ARHGAP21: variants seen among roughly 807,000 people sequenced by gnomAD.
The protein encoded by ARHGAP21 is Rho GTPase activating protein 21.
In ARHGAP21, 38 loss-of-function variants were observed where a neutral mutation model predicts 164.6. The ratio of observed to expected loss-of-function variants is 0.23; its 90% CI spans 0.18 to 0.30. ARHGAP21 has a LOEUF of 0.30. ARHGAP21 is among the 10% of genes least tolerant of loss of function. The pLI is 1.00. For missense variants in ARHGAP21, 1,822 were observed against 2,370.7 expected (o/e 0.77, Z 4.81); for synonymous variants, 766 against 857.9 (o/e 0.89, Z 1.87).
chr10:24,716,192 C>G (rs1424718292), intron 2 of ARHGAP21, among the ~76,000 whole-genome samples: 1 of 152,206 alleles, frequency 6.6e-6, no homozygotes, highest in African/African-American at 2.4e-5. Flanking sequence ...ACTGCACTCT[C>G]AACACCTGCG....
intron 25 of ARHGAP21, among the ~76,000 whole-genome samples, chr10:24,587,466 AAATTTAGGCTGTT>A (rs72007463): frequency 0.16 from 24,810 of 152,178 alleles, 2,608 homozygotes; most frequent in Non-Finnish European, 0.23. Context: ...CTTAAAGTAA[AAATTTAGGCTGTT>A]CTATCAAAGA....
At chr10:24,653,152 T>C (rs770779747) in intron 4 of ARHGAP21, among the ~76,000 whole-genome samples, 2 of 152,244 alleles carry the variant, frequency 1.3e-5, no homozygotes, top group South Asian at 2.1e-4. Flanking sequence ...CATACACCCA[T>C]GTAACCACTA....
intron 4 of ARHGAP21, among the ~76,000 whole-genome samples, chr10:24,649,799 T>C (rs1837972660): frequency 6.6e-6 from 1 of 151,620 alleles, no homozygotes. Context: ...TTCAAAAACT[T>C]CTGATAAAGG....
intron 2 of ARHGAP21, among the ~76,000 whole-genome samples, chr10:24,703,174 A>T (rs1355549966): frequency 6.6e-6 from 1 of 152,190 alleles, no homozygotes; most frequent in Non-Finnish European, 1.5e-5. Context: ...TATTAACAGG[A>T]GTTGAATTTG....
intron 4 of ARHGAP21, among the ~76,000 whole-genome samples, chr10:24,656,162 T>G (rs1327745272): frequency 2.6e-5 from 3 of 115,526 alleles, no homozygotes; most frequent in African/African-American, 3.6e-5. Flanking sequence ...GGGAGGGAGG[T>G]GGGGGGGGTC....
chr10:24,676,765 T>C (rs1171940782), intron 2 of ARHGAP21, among the ~76,000 whole-genome samples: 1 of 152,254 alleles, frequency 6.6e-6, no homozygotes, highest in Non-Finnish European at 1.5e-5. Flanking sequence ...CATTTGCTAG[T>C]TGCAGTATAG....
intron 9 of ARHGAP21, among the ~76,000 whole-genome samples, chr10:24,616,094 A>AAATAATT (rs1225051451): frequency 3.3e-5 from 5 of 152,140 alleles, no homozygotes; most frequent in African/African-American, 9.6e-5. Context: ...ATTATTTTTT[A>AAATAATT]AATTACCTCA....
intron 4 of ARHGAP21, among the ~76,000 whole-genome samples, chr10:24,637,500 A>G (rs1292421906): frequency 1.3e-5 from 2 of 152,230 alleles, no homozygotes; most frequent in East Asian, 3.9e-4. Flanking sequence ...AATGTCTTCT[A>G]GTCCACTGTG....
rs78746989 is a variant in ARHGAP21 at position 24,711,840 on chromosome 10, C to A, written c.63+9997G>T. ...CCAGTGTAGGGGTTTGAACAGTAACCCCCCTGAAAGGATATGTCCACCCAG... is the reference window on the plus strand; with the variant it reads ...CCAGTGTAGGGGTTTGAACAGTAACACCCCTGAAAGGATATGTCCACCCAG... On this transcript the variant is annotated intron_variant, in intron 2 of 25. Coordinates refer to ENST00000396432, the MANE Select transcript of ARHGAP21 (RefSeq NM_020824.4). Among the ~76,000 whole-genome samples the A allele has an allele frequency of 2.6e-4, 39 of 152,176 alleles. 1 individual carries two copies. The East Asian group carries it at 7.6e-3, about 29-fold the overall frequency.
At chr10:24,712,873 A>G (rs533208120) in intron 2 of ARHGAP21, among the ~76,000 whole-genome samples, 79 of 152,322 alleles carry the variant, frequency 5.2e-4, no homozygotes, top group African/African-American at 1.9e-3. Context: ...TGCAGAACCC[A>G]GAGAAGAAAG....
chr10:24,607,988 G>T, intron 9 of ARHGAP21, 85 bp from the exon 10 acceptor site: 2 of 1,299,716 alleles, frequency 1.5e-6, no homozygotes, highest in African/African-American at 1.5e-5. Context: ...TATTAAGGGG[G>T]TCAGATAAGG....
In ARHGAP21 at chr10:24,711,949, T is replaced by G. The variant is rs61855026; in HGVS notation, c.63+9888A>C. On this transcript the variant is annotated intron_variant, in intron 2 of 25. Transcript: ENST00000396432. ...TTTTTTTTTTGAGACAGTTTCACTCTGTCACCCAGTCTGGAGTGCAGTGGC... is the reference window on the plus strand; with the variant it reads ...TTTTTTTTTTGAGACAGTTTCACTCGGTCACCCAGTCTGGAGTGCAGTGGC... Among the ~76,000 whole-genome samples, 1,504 of 152,082 alleles carry G rather than the reference T, an allele frequency of 9.9e-3. 13 individuals carry two copies. The highest frequency in any genetic ancestry group is 0.015 in the Non-Finnish European group (1,052 of 67,964).
At chr10:24,699,797 T>C (rs1376948121) in intron 2 of ARHGAP21, among the ~76,000 whole-genome samples, 2 of 152,220 alleles carry the variant, frequency 1.3e-5, no homozygotes, top group Non-Finnish European at 2.9e-5. Context: ...TTTATCAGCT[T>C]CTTCGTCTGT....
At chr10:24,603,091 T>C (rs935556025) in intron 12 of ARHGAP21, among the ~76,000 whole-genome samples, 38 of 152,158 alleles carry the variant, frequency 2.5e-4, no homozygotes, top group African/African-American at 9.2e-4. Flanking sequence ...AGGATAGCCA[T>C]GTAAACTTTG....
intron 7 of ARHGAP21, among the ~76,000 whole-genome samples, chr10:24,624,498 C>T (rs1834901395): frequency 6.6e-6 from 1 of 151,768 alleles, no homozygotes; most frequent in African/African-American, 2.4e-5. Flanking sequence ...AGCCACCATG[C>T]TCAGCTAATT....
chr10:24,656,394 G>T (rs1838934275), intron 4 of ARHGAP21, among the ~76,000 whole-genome samples: 1 of 103,156 alleles, frequency 9.7e-6, no homozygotes, highest in African/African-American at 4.2e-5. Context: ...GGAGGTGGGG[G>T]GGTCAGCCCT....
At chr10:24,591,027 T>G in intron 24 of ARHGAP21, 198 bp downstream of exon 24, 1 of 639,386 alleles carries the variant, frequency 1.6e-6, no homozygotes, top group Non-Finnish European at 1.9e-6. Flanking sequence ...TACAACTGCA[T>G]GCACTGCCAA....
chr10:24,639,477 A>G (rs1381192012), intron 4 of ARHGAP21, among the ~76,000 whole-genome samples: 3 of 152,182 alleles, frequency 2.0e-5, no homozygotes, highest in Non-Finnish European at 2.9e-5. Flanking sequence ...TATTATTATG[A>G]TAGACCTGAT....
intron 2 of ARHGAP21, among the ~76,000 whole-genome samples, chr10:24,700,230 C>T (rs1454828014): frequency 6.6e-6 from 1 of 152,202 alleles, no homozygotes; most frequent in Admixed American, 6.5e-5. Flanking sequence ...ATTAGTGTCT[C>T]TGCTCATCCC....
Sources: allele counts gnomAD v4.1 joint callset (sites outside exome capture counted in the v4.1 genomes callset), GRCh38; gene constraint gnomAD v4.1.1; transcripts MANE v1.5; gene names NCBI Gene and HGNC (gene_info 2026-07-23, HGNC 2026-07-21).